Variants in CPNE4 observed in about 807,000 individuals in gnomAD.
CPNE4 encodes copine-4.
In CPNE4, 25 loss-of-function variants were observed where a neutral mutation model predicts 67.9. That is an observed-to-expected ratio of 0.37 (90% CI 0.27 to 0.51). The LOEUF is 0.51. Ranked by LOEUF, CPNE4 falls within the 20% of genes least tolerant of loss-of-function variation. The pLI is 0.93. For synonymous variants in CPNE4, 242 were observed against 244.9 expected (o/e 0.99, Z 0.11); for missense variants, 464 against 690.8 (o/e 0.67, Z 3.68).
chr3:131,871,529 C>T (rs1212240517), intron 2 of CPNE4, among the ~76,000 whole-genome samples: 1 of 152,078 alleles, frequency 6.6e-6, no homozygotes, highest in Non-Finnish European at 1.5e-5. Flanking sequence ...CATGCGCTAT[C>T]CTGCTTCATT....
chr3:131,997,971 C>G (rs1285341901), intron 1 of CPNE4, among the ~76,000 whole-genome samples: 4 of 152,152 alleles, frequency 2.6e-5, no homozygotes, highest in Non-Finnish European at 5.9e-5. Flanking sequence ...GGGCAGAGCC[C>G]TTATGACTTC....
chr3:131,589,192 A>C (rs1401859121), intron 7 of CPNE4, among the ~76,000 whole-genome samples: 1 of 152,208 alleles, frequency 6.6e-6, no homozygotes, highest in African/African-American at 2.4e-5. Flanking sequence ...CTGGGAAGCC[A>C]GTAGTGGCTC....
intron 2 of CPNE4, among the ~76,000 whole-genome samples, chr3:131,833,517 A>T (rs1436944782): frequency 6.6e-6 from 1 of 152,074 alleles, no homozygotes; most frequent in African/African-American, 2.4e-5. Flanking sequence ...AGCACAGTGA[A>T]ACTCCACCTC....
intron 7 of CPNE4, among the ~76,000 whole-genome samples, chr3:131,656,006 C>T (rs2079949856): frequency 1.3e-5 from 2 of 151,162 alleles, no homozygotes; most frequent in South Asian, 4.2e-4. Flanking sequence ...CCTCTTTCCC[C>T]TCCAAAAGCT....
Position 131,824,860 on chromosome 3 carries a change from A to C in CPNE4, c.180+80404T>G, listed in dbSNP as rs1033815132. Among the ~76,000 whole-genome samples the C allele has an allele frequency of 3.2e-4, 48 of 152,170 alleles. 1 individual carries two copies. The highest frequency in any genetic ancestry group is 1.1e-3 in the African/African-American group (47 of 41,526). On this transcript the variant is annotated intron_variant, in intron 2 of 15. Transcript: ENST00000429747. ...CAGCAAATTGGGGAGCAGGAAGCAAAATGGGCTTGATATTCCTGAACATTC... is the reference window on the plus strand; with the variant it reads ...CAGCAAATTGGGGAGCAGGAAGCAACATGGGCTTGATATTCCTGAACATTC...
At chr3:132,014,315 TC>T (rs1211124657) in intron 1 of CPNE4, among the ~76,000 whole-genome samples, 1 of 151,520 alleles carries the variant, frequency 6.6e-6, no homozygotes, top group Non-Finnish European at 1.5e-5. Context: ...AGCCTACTCC[TC>T]CCCCCGAATG....
At chr3:131,820,434 G>A (rs1481239377) in intron 2 of CPNE4, among the ~76,000 whole-genome samples, 6 of 152,224 alleles carry the variant, frequency 3.9e-5, no homozygotes, top group Non-Finnish European at 8.8e-5. Flanking sequence ...GGACATGATC[G>A]TTGGTGAGGG....
intron 1 of CPNE4, among the ~76,000 whole-genome samples, chr3:131,978,508 A>T (rs2072808124): frequency 1.2e-5 from 1 of 80,616 alleles, no homozygotes; most frequent in African/African-American, 5.7e-5. Context: ...ATATATTTAT[A>T]TATATTTATT....
At chr3:131,627,202 A>AAAAG (rs1349230437) in intron 7 of CPNE4, among the ~76,000 whole-genome samples, 1 of 151,464 alleles carries the variant, frequency 6.6e-6, no homozygotes, top group African/African-American at 2.4e-5. Context: ...TCAAAAAAAA[A>AAAAG]AAAAAAAAGA....
At chr3:131,900,972 G>GA (rs1419531088) in intron 2 of CPNE4, among the ~76,000 whole-genome samples, 1 of 152,026 alleles carries the variant, frequency 6.6e-6, no homozygotes, top group East Asian at 1.9e-4. Flanking sequence ...AAAATTCAAT[G>GA]AAAAAATTGA....
intron 1 of CPNE4, among the ~76,000 whole-genome samples, chr3:131,999,376 CA>C (rs2073372477): frequency 6.6e-6 from 1 of 151,472 alleles, no homozygotes; most frequent in African/African-American, 2.4e-5. Flanking sequence ...TACAATCTAG[CA>C]ATTCAAAGGA....
At position 131,649,964 on chromosome 3, in the gene CPNE4, G is replaced by C. The variant is rs545223795; in HGVS notation, c.681+19711C>G. 2.9e-4 allele frequency among the ~76,000 whole-genome samples: 44 copies of C among 152,258 alleles called. 1 individual carries two copies. The South Asian group carries it at 9.1e-3, about 32-fold the overall frequency. On this transcript the variant is annotated intron_variant, in intron 7 of 15. Coordinates refer to ENST00000429747, the MANE Select transcript of CPNE4 (RefSeq NM_130808.3). ...AGGCTGCATTTTCATCTGAATGCTT[G>C]ACTAGGGAAGGATCTGATTTCAAGC...
intron 1 of CPNE4, among the ~76,000 whole-genome samples, chr3:131,955,410 GTTTTT>G (rs766033406): frequency 4.0e-4 from 17 of 42,268 alleles, no homozygotes; most frequent in African/African-American, 6.5e-4. Context: ...TGTATGTAAG[GTTTTT>G]TTTTTTTTTT....
At chr3:131,766,084 T>A (rs1466728639) in intron 2 of CPNE4, among the ~76,000 whole-genome samples, 1 of 152,082 alleles carries the variant, frequency 6.6e-6, no homozygotes, top group East Asian at 1.9e-4. Context: ...CTGGGAATGT[T>A]TCTGACTGCA....
At chr3:131,614,347 A>G (rs938991247) in intron 7 of CPNE4, among the ~76,000 whole-genome samples, 17 of 152,232 alleles carry the variant, frequency 1.1e-4, no homozygotes, top group African/African-American at 3.9e-4. Flanking sequence ...TATATGCTGG[A>G]AGAAGGTGAA....
intron 2 of CPNE4, among the ~76,000 whole-genome samples, chr3:131,821,541 C>T (rs1456797921): frequency 2.0e-5 from 3 of 150,954 alleles, no homozygotes; most frequent in Non-Finnish European, 2.9e-5. Flanking sequence ...TTCAGACTGG[C>T]TGCCACAGCT....
intron 2 of CPNE4, among the ~76,000 whole-genome samples, chr3:131,904,655 A>G (rs1248048256): frequency 6.6e-6 from 1 of 152,038 alleles, no homozygotes; most frequent in Non-Finnish European, 1.5e-5. Context: ...CCCAGCTCCC[A>G]AAAGTGGAGT....
At chr3:131,875,738 G>C (rs1033941472) in intron 2 of CPNE4, among the ~76,000 whole-genome samples, 4 of 151,914 alleles carry the variant, frequency 2.6e-5, no homozygotes, top group Non-Finnish European at 4.4e-5. Context: ...GTTAAATGAC[G>C]AGTGAATGGG....
intron 8 of CPNE4, among the ~76,000 whole-genome samples, chr3:131,585,037 G>A (rs1264493785): frequency 6.6e-6 from 1 of 152,120 alleles, no homozygotes; most frequent in Non-Finnish European, 1.5e-5. Flanking sequence ...GCTCAGCCCT[G>A]CCTCTGTACT....
Sources: gnomAD v4.1 joint callset for allele counts (sites outside exome capture counted in the v4.1 genomes callset) on GRCh38, gnomAD v4.1.1 for gene constraint, MANE v1.5 for transcripts, NCBI Gene and HGNC (gene_info 2026-07-23, HGNC 2026-07-21) for gene names.